LPIN1: variants seen among roughly 807,000 people sequenced by gnomAD.
LPIN1 encodes the protein phosphatidate phosphatase LPIN1.
In LPIN1, 71 loss-of-function variants were observed where a neutral mutation model predicts 107.5. The ratio of observed to expected loss-of-function variants is 0.66; its 90% CI spans 0.55 to 0.80. The LOEUF (loss-of-function observed/expected upper bound fraction) is 0.80, where lower values mean the gene tolerates loss of function less well. LPIN1 is among the 30% of genes least tolerant of loss of function. The pLI is 0.00. For synonymous variants in LPIN1, 445 were observed against 452.6 expected (o/e 0.98, Z 0.21); for missense variants, 1,043 against 1,160.6 (o/e 0.90, Z 1.47).
intron 17 of LPIN1, among the ~76,000 whole-genome samples, chr2:11,814,633 G>A (rs1162179010): frequency 6.6e-6 from 1 of 152,040 alleles, no homozygotes; most frequent in Non-Finnish European, 1.5e-5. Context: ...CCAAAAGAGA[G>A]GAGGAATTTG....
intron 17 of LPIN1, among the ~76,000 whole-genome samples, chr2:11,812,014 T>C (rs1426193500): frequency 6.6e-6 from 1 of 152,216 alleles, no homozygotes; most frequent in Non-Finnish European, 1.5e-5. Context: ...AAATTTTTAA[T>C]TTTGTTTGAT....
chr2:11,787,158 T>C lies in LPIN1; in HGVS notation c.1634T>C (p.Ile545Thr), dbSNP rs770059829. 6 of 1,612,794 alleles carry C rather than the reference T, an allele frequency of 3.7e-6. No homozygotes were observed. The highest frequency in any genetic ancestry group is 2.2e-5 in the East Asian group (1 of 44,884). The change falls in exon 11 of 21, where the codon ATT becomes ACT. Residue 545 changes from isoleucine (I) to threonine (T), a missense_variant. Ile to Thr is a moderately conservative substitution (Grantham distance 89). Transcript: ENST00000674199. ...IIDDPNLVVK[I>T]GSKYYNWTTA... Reference sequence around the variant, plus strand: ...GATGACCCCAATCTCGTGGTAAAGATTGGGAGTAAGTAAGTACCTCTTGAA... The same window carrying C: ...GATGACCCCAATCTCGTGGTAAAGACTGGGAGTAAGTAAGTACCTCTTGAA...
chr2:11,762,680 T>C (rs921825804), intron 1 of LPIN1, among the ~76,000 whole-genome samples: 4 of 152,256 alleles, frequency 2.6e-5, no homozygotes, highest in African/African-American at 7.2e-5. Flanking sequence ...CCTATCACTC[T>C]GATCACTTAG....
At chr2:11,688,690 G>C in intron 1 of LPIN1, among the ~76,000 whole-genome samples, 1 of 152,210 alleles carries the variant, frequency 6.6e-6, no homozygotes, top group East Asian at 1.9e-4. Context: ...TGGAAAATGA[G>C]TTAATACATA....
Position 11,804,509 on chromosome 2 carries a change from C to G in LPIN1, c.2100C>G (p.Thr700=), listed in dbSNP as rs1009864402. ...QYQGTCRCEG[T]IYLWNWDDKV... is the part of the protein sequence containing the mutation. ...AAGGCACGTGCCGCTGTGAGGGCAC[C>G]ATCTATCTGTGGAACTGGGATGATA... The change falls in exon 16 of 21, where the codon ACC becomes ACG. Residue 700 remains threonine, a synonymous_variant. Coordinates refer to ENST00000674199, the MANE Select transcript of LPIN1 (RefSeq NM_001349206.2). 1 of 1,614,164 alleles carries G rather than the reference C, an allele frequency of 6.2e-7. No homozygotes were observed. The highest frequency in any genetic ancestry group is 1.3e-5 in the African/African-American group (1 of 75,038).
Position 11,705,594 on chromosome 2 carries a change from G to A in LPIN1, c.82-8162G>A, listed in dbSNP as rs538670928. ...TGAAGAGAGGCTATCCAGTGGAAGCGTGTCTCGGACAGGGAGAGTAGCATG... is the reference window on the plus strand; with the variant it reads ...TGAAGAGAGGCTATCCAGTGGAAGCATGTCTCGGACAGGGAGAGTAGCATG... On this transcript the variant is annotated intron_variant, in intron 1 of 21. Transcript: ENST00000449576. Among the ~76,000 whole-genome samples the A allele has an allele frequency of 7.2e-5, 11 of 152,292 alleles. No individual in the cohort carries two copies. In the South Asian group the frequency reaches 1.9e-3, roughly 26 times the overall value.
intron 13 of LPIN1, chr2:11,792,438 A>C: frequency 9.0e-6 from 2 of 221,100 alleles, no homozygotes; most frequent in Non-Finnish European, 1.8e-5. Context: ...GCTGGAGTGC[A>C]GTGGTGCAAT....
chr2:11,751,850 TCAAAA>T (rs754788292), intron 1 of LPIN1, among the ~76,000 whole-genome samples: 18 of 152,118 alleles, frequency 1.2e-4, no homozygotes, highest in Non-Finnish European at 1.5e-4. Flanking sequence ...AAACTCCGTC[TCAAAA>T]CAAAACAAAA....
chr2:11,816,920 C>G (rs116343251), intron 18 of LPIN1: 9,650 of 152,102 alleles, frequency 0.063, 457 homozygotes, highest in Middle Eastern at 0.11. Flanking sequence ...CCCCTTCCCC[C>G]CCAACCCCCT....
At chr2:11,754,308 G>A (rs1668337030) in intron 1 of LPIN1, among the ~76,000 whole-genome samples, 1 of 152,214 alleles carries the variant, frequency 6.6e-6, no homozygotes. Context: ...TGCCCTTTAA[G>A]CACCTGCCGT....
intron 9 of LPIN1, 154 bp downstream of exon 9, chr2:11,784,076 G>T: frequency 7.7e-7 from 1 of 1,291,342 alleles, no homozygotes; most frequent in Non-Finnish European, 1.1e-6. Flanking sequence ...AGGCTGAGGT[G>T]GGCGGATCAC....
At chr2:11,694,854 C>T (rs1479495077) in intron 1 of LPIN1, among the ~76,000 whole-genome samples, 2 of 152,356 alleles carry the variant, frequency 1.3e-5, no homozygotes, top group Middle Eastern at 3.4e-3. Flanking sequence ...CCTGAATCCT[C>T]ACCACTACGT....
At chr2:11,715,917 T>C (rs1663710576) in intron 2 of LPIN1, among the ~76,000 whole-genome samples, 1 of 152,024 alleles carries the variant, frequency 6.6e-6, no homozygotes, top group Admixed American at 6.5e-5. Context: ...GCAGGTGGAT[T>C]GAAAGGCCCC....
Position 11,771,703 on chromosome 2 carries a change from G to A in LPIN1, c.596+24G>A. On this transcript the variant is annotated intron_variant, in intron 4 of 20. Transcript: ENST00000674199. This position sits in a 1 kb window ranked among gnomAD's most constrained non-coding sequence, Gnocchi z 4.8. ...AGGTAATAACTGTCCAGGGTGGAGG[G>A]GCTGTGCCAGAATCAGACAGTTAAC... 5.1e-6 allele frequency: 8 copies of A among 1,565,704 alleles called. No individual in the cohort carries two copies. The highest frequency in any genetic ancestry group is 6.1e-6 in the Non-Finnish European group (7 of 1,153,368).
intron 2 of LPIN1, among the ~76,000 whole-genome samples, chr2:11,715,221 C>A (rs1474952471): frequency 6.6e-6 from 1 of 152,182 alleles, no homozygotes; most frequent in Non-Finnish European, 1.5e-5. Flanking sequence ...GTCCCATTCT[C>A]CAGACTGTGG....
chr2:11,769,591 A>AT (rs575394237), intron 3 of LPIN1, among the ~76,000 whole-genome samples: 23 of 147,732 alleles, frequency 1.6e-4, no homozygotes, highest in Admixed American at 7.4e-4. Context: ...ATGAAGTCTA[A>AT]TTTTTTTTTT....
intron 9 of LPIN1, 135 bp downstream of exon 9, chr2:11,784,057 C>T: frequency 1.4e-6 from 2 of 1,456,218 alleles, no homozygotes; most frequent in Non-Finnish European, 9.3e-7. Context: ...GTAATCCCAG[C>T]ACTTTGGGAG....
chr2:11,727,336 T>C (rs890099695), intron 1 of LPIN1, among the ~76,000 whole-genome samples: 18 of 152,254 alleles, frequency 1.2e-4, no homozygotes, highest in Non-Finnish European at 1.5e-5. Flanking sequence ...TAAAATTTAT[T>C]TCGGTTCTAA....
intron 17 of LPIN1, among the ~76,000 whole-genome samples, chr2:11,806,277 C>A (rs773358223): frequency 1.5e-4 from 23 of 152,234 alleles, no homozygotes; most frequent in Non-Finnish European, 3.2e-4. Flanking sequence ...TATTTCCCTG[C>A]CCTGCATCCG....
Sources: gnomAD v4.1 joint callset for allele counts (sites outside exome capture counted in the v4.1 genomes callset) on GRCh38, gnomAD v4.1.1 for gene constraint, Gnocchi (gnomAD v3.1) non-coding constraint, MANE v1.5 for transcripts, NCBI Gene and HGNC (gene_info 2026-07-23, HGNC 2026-07-21) for gene names.